MTOR: variants seen among roughly 807,000 people sequenced by gnomAD.
MTOR encodes mechanistic target of rapamycin kinase.
In MTOR, 70 loss-of-function variants were observed where a neutral mutation model predicts 319.8. That is an observed-to-expected ratio of 0.22 (90% confidence interval 0.18 to 0.27). The LOEUF (loss-of-function observed/expected upper bound fraction) is 0.27. Among genes scored for constraint, MTOR ranks in the 10% least tolerant of loss-of-function variants. The probability of loss-of-function intolerance (pLI) is 1.00; values close to 1 mark genes in which losing one functional copy is unlikely to be tolerated. For missense variants in MTOR, 1,890 were observed against 3,274.4 expected (o/e 0.58, Z 10.32); for synonymous variants, 1,183 against 1,211.4 (o/e 0.98, Z 0.49).
chr1:11,245,755 A>G (rs191504287), intron 8 of MTOR, among the ~76,000 whole-genome samples: 14 of 152,266 alleles, frequency 9.2e-5, no homozygotes, highest in Admixed American at 3.9e-4. Flanking sequence ...AAATAAATTT[A>G]AAAAATTAGC....
Position 11,121,581 on chromosome 1 carries a change from C to T in MTOR, c.6811-213G>A, listed in dbSNP as rs576489252. 5.8e-4 allele frequency among the ~76,000 whole-genome samples: 89 copies of T among 152,302 alleles called. 1 individual carries two copies. Among genetic ancestry groups the T allele is most frequent in the South Asian group, 2.1e-3 (10 of 4,822 alleles). On this transcript the variant is annotated intron_variant, in intron 48 of 57. Transcript: ENST00000361445. The surrounding 1 kb of genome is among the most constrained non-coding windows in gnomAD (Gnocchi z 4.9). ...AACCCCAAGGCATAAGGGAAAAACA[C>T]GAGACTTCACCTCAGTTATAGGCCT...
Position 11,161,303 on chromosome 1 carries a change from G to C in MTOR, c.4330-4012C>G, listed in dbSNP as rs184444944. ...GTGGCCGGGAAGCTAGATCTGGGTG[G>C]AGCCCACCACAGCTCAAGGAGGCCT... is the stretch of plus-strand genomic sequence containing the variant. On this transcript the variant is annotated intron_variant, in intron 29 of 57. Transcript: ENST00000361445. Among the ~76,000 whole-genome samples, 826 of 152,310 alleles carry C rather than the reference G, an allele frequency of 5.4e-3. 8 individuals are homozygous for C. The highest frequency in any genetic ancestry group is 0.018 in the African/African-American group (753 of 41,552).
intron 10 of MTOR, among the ~76,000 whole-genome samples, chr1:11,240,848 G>A (rs868806483): frequency 2.6e-5 from 4 of 152,114 alleles, no homozygotes; most frequent in South Asian, 4.1e-4. Flanking sequence ...TTATTTTACA[G>A]ATGAAGAGAA....
chr1:11,224,896 T>TA (rs1346953660), intron 19 of MTOR, among the ~76,000 whole-genome samples: 7 of 152,208 alleles, frequency 4.6e-5, no homozygotes, highest in African/African-American at 1.7e-4. Flanking sequence ...GAATTACTGA[T>TA]ACATGCCACA....
rs777349698 is a variant in MTOR, at chr1:11,128,018, G to C, written c.6019C>G (p.Gln2007Glu). 7.4e-6 allele frequency: 12 copies of C among 1,613,866 alleles called. No homozygotes were observed. In the Admixed American group the frequency reaches 2.0e-4, roughly 27 times the overall value. Residue 2007 changes from glutamine to glutamate, a missense_variant, in exon 43 of 58, where the codon CAG (glutamine) becomes GAG (glutamate). Gln to Glu is a conservative substitution (Grantham distance 29). Coordinates refer to ENST00000361445, the MANE Select transcript of MTOR (RefSeq NM_004958.4). This position sits in a 1 kb window ranked among gnomAD's most constrained non-coding sequence, Gnocchi z 5.3. ...NMCEHSNTLVQQAMMVSEELI... is the reference protein window; with the variant it reads ...NMCEHSNTLVEQAMMVSEELI... The stretch of plus-strand genomic sequence containing the variant: ...CTCCGACCCACCATCATGGCCTGCT[G>C]GACCAGGGTGTTGCTGTGCTCACAC...
chr1:11,240,589 ACACT>A, intron 10 of MTOR, 42 bp from the exon 11 acceptor site: 1 of 1,592,682 alleles, frequency 6.3e-7, no homozygotes, highest in Non-Finnish European at 8.6e-7. Context: ...TGGGCACATG[ACACT>A]CAGTCTGTTC....
chr1:11,229,019 T>C lies in MTOR; in HGVS notation c.2780-101A>G, dbSNP rs1569680838. On this transcript the variant is annotated intron_variant, in intron 18 of 57. Transcript: ENST00000361445. ...AACAACCTCCTAACAGACATTAGCA[T>C]TCATATCTTTCTTCCTAGTATGTTC... 5.7e-6 allele frequency: 8 copies of C among 1,397,772 alleles called. No homozygotes were observed. In the East Asian group the frequency reaches 1.4e-4, roughly 24 times the overall value. The allele number at this position is 1,397,772 out of a possible 1,614,324, so 86.6% of individuals were successfully genotyped here.
At chr1:11,225,889 C>T (rs1314154429) in intron 19 of MTOR, among the ~76,000 whole-genome samples, 1 of 152,050 alleles carries the variant, frequency 6.6e-6, no homozygotes, top group East Asian at 1.9e-4. Context: ...AAATGAACAG[C>T]TTCCTAAAAA....
At chr1:11,243,928 G>A (rs1466901538) in intron 8 of MTOR, among the ~76,000 whole-genome samples, 2 of 152,088 alleles carry the variant, frequency 1.3e-5, no homozygotes, top group African/African-American at 4.8e-5. Context: ...GGAGGCTGAG[G>A]AACATCACTT....
chr1:11,206,869 T>A (rs1646153986), intron 25 of MTOR, among the ~76,000 whole-genome samples: 1 of 152,192 alleles, frequency 6.6e-6, no homozygotes, highest in African/African-American at 2.4e-5. Flanking sequence ...AGACAGACAG[T>A]AAAGCTGCTG....
At chr1:11,172,557 CAAAAA>C (rs767483973) in intron 28 of MTOR, among the ~76,000 whole-genome samples, 3 of 56,304 alleles carry the variant, frequency 5.3e-5, no homozygotes, top group Non-Finnish European at 8.1e-5. Context: ...GACTCTGTCT[CAAAAA>C]AAAAAAAAAA....
At chr1:11,147,564 C>G (rs774027794) in intron 31 of MTOR, among the ~76,000 whole-genome samples, 2 of 152,210 alleles carry the variant, frequency 1.3e-5, no homozygotes, top group Non-Finnish European at 2.9e-5. Context: ...TCCAGACCAT[C>G]GGCTCATCCA....
intron 9 of MTOR, among the ~76,000 whole-genome samples, chr1:11,242,054 A>G (rs1648113391): frequency 6.6e-6 from 1 of 151,904 alleles, no homozygotes; most frequent in African/African-American, 2.4e-5. Flanking sequence ...AAATTCTTCT[A>G]TGATGAGAAT....
At position 11,122,563 on chromosome 1, in the gene MTOR, A is replaced by G. The variant is rs572615043; in HGVS notation, c.6663-437T>C. Among the ~76,000 whole-genome samples, 19 of 137,006 alleles carry G rather than the reference A, an allele frequency of 1.4e-4. No individual in the cohort carries two copies. The East Asian group carries it at 3.6e-3, about 26-fold the overall frequency. 89.9% of individuals were successfully genotyped at this position (137,006 alleles called of 152,430 possible). A position where few individuals can be genotyped will look rare whatever the true frequency, so the allele number is the denominator to read the frequency against. Reference sequence around the variant, plus strand: ...TGTTCTGTTGCCCAGGCTGGAATGCAGTGTCACTATTTTGGTTCACTGCAA... The same window carrying G: ...TGTTCTGTTGCCCAGGCTGGAATGCGGTGTCACTATTTTGGTTCACTGCAA... On this transcript the variant is annotated intron_variant, in intron 47 of 57. Transcript: ENST00000361445.
chr1:11,212,736 A>G lies in MTOR; in HGVS notation c.3398+60T>C, dbSNP rs572733869. 3 of 1,420,930 alleles carry G rather than the reference A, an allele frequency of 2.1e-6. No individual in the cohort carries two copies. In the South Asian group the frequency reaches 3.5e-5, roughly 17 times the overall value. 88.0% of individuals were successfully genotyped at this position (1,420,930 alleles called of 1,614,324 possible). A position where few individuals can be genotyped will look rare whatever the true frequency, so the allele number is the denominator to read the frequency against. Reference sequence around the variant, plus strand: ...AGATGGCCTGGGAACTTAAGAAATGAACATTTTCAACAAAACATTAAAGCT... The same window carrying G: ...AGATGGCCTGGGAACTTAAGAAATGGACATTTTCAACAAAACATTAAAGCT... On this transcript the variant is annotated intron_variant, in intron 22 of 57. Transcript: ENST00000361445. This position sits in a 1 kb window ranked among gnomAD's most constrained non-coding sequence, Gnocchi z 4.1.
At chr1:11,247,593 T>C (rs766260098) in intron 8 of MTOR, 32 bp downstream of exon 8, 6 of 1,574,842 alleles carry the variant, frequency 3.8e-6, no homozygotes, top group East Asian at 2.2e-5. Flanking sequence ...TACCCTGAGA[T>C]GGGTAATGAT....
In MTOR at chr1:11,258,444, G is replaced by T. The variant is rs1557499550; in HGVS notation, c.271+41C>A. 8.7e-6 allele frequency: 12 copies of T among 1,382,762 alleles called. No individual in the cohort carries two copies. In the South Asian group the frequency reaches 1.2e-4, roughly 14 times the overall value. 85.7% of individuals were successfully genotyped at this position (1,382,762 alleles called of 1,614,324 possible). ...AGACACAGGGTGCAGTGGGCACAAA[G>T]GTGAGTGTGTTGTTTTTGTGACCAG... On this transcript the variant is annotated intron_variant, in intron 3 of 57. Transcript: ENST00000361445.
chr1:11,108,119 G>C, intron 57 of MTOR, 62 bp downstream of exon 57: 1 of 1,348,788 alleles, frequency 7.4e-7, no homozygotes, highest in Non-Finnish European at 1.1e-6. Flanking sequence ...CTCTGGCTTT[G>C]GGGCCTAGGC....
At chr1:11,117,171 G>T in intron 49 of MTOR, 85 bp from the exon 50 acceptor site, 1 of 1,129,670 alleles carries the variant, frequency 8.9e-7, no homozygotes, top group Non-Finnish European at 1.3e-6. Context: ...TCTTTGGTTT[G>T]TACTTTTGAG....
Sources: gnomAD v4.1 joint callset for allele counts (sites outside exome capture counted in the v4.1 genomes callset) on GRCh38, gnomAD v4.1.1 for gene constraint, Gnocchi (gnomAD v3.1) non-coding constraint, MANE v1.5 for transcripts, NCBI Gene and HGNC (gene_info 2026-07-23, HGNC 2026-07-21) for gene names.